The following ATP8A2 variants were observed in gnomAD, a reference collection of about 807,000 sequenced individuals.
The protein encoded by ATP8A2 is phospholipid-transporting ATPase IB.
A neutral mutation model predicts 165.6 loss-of-function variants in ATP8A2; 100 were observed. That is an observed-to-expected ratio of 0.60 (90% CI 0.51 to 0.71). The LOEUF (loss-of-function observed/expected upper bound fraction) is 0.71. Among genes scored for constraint, ATP8A2 ranks in the 30% least tolerant of loss-of-function variants. The pLI is 0.00. For missense variants in ATP8A2, 1,227 were observed against 1,479.5 expected (o/e 0.83, Z 2.80); for synonymous variants, 543 against 548.8 (o/e 0.99, Z 0.15).
chr13:25,595,803 G>A (rs757991374), intron 24 of ATP8A2, among the ~76,000 whole-genome samples: 3 of 152,144 alleles, frequency 2.0e-5, no homozygotes, highest in Non-Finnish European at 2.9e-5. Flanking sequence ...CACAGTGCAG[G>A]GCTGTCCTCA....
At chr13:25,417,294 T>C (rs917929611) in intron 1 of ATP8A2, among the ~76,000 whole-genome samples, 1 of 152,156 alleles carries the variant, frequency 6.6e-6, no homozygotes, top group Non-Finnish European at 1.5e-5. Flanking sequence ...CAAAGCTGGA[T>C]CCTAACTACC....
At chr13:25,792,562 C>CA (rs1282735581) in intron 27 of ATP8A2, among the ~76,000 whole-genome samples, 3 of 152,004 alleles carry the variant, frequency 2.0e-5, no homozygotes. Context: ...ATGAAATGAA[C>CA]AAAAAATGTA....
At chr13:25,837,313 C>A in intron 29 of ATP8A2, 28 bp downstream of exon 29, 1 of 1,612,188 alleles carries the variant, frequency 6.2e-7, no homozygotes, top group South Asian at 1.1e-5. Flanking sequence ...TCAGAACTGT[C>A]ACCTCAGAAA....
chr13:25,656,508 T>G (rs1191647464), intron 24 of ATP8A2, among the ~76,000 whole-genome samples: 1 of 151,922 alleles, frequency 6.6e-6, no homozygotes, highest in African/African-American at 2.4e-5. Flanking sequence ...ACTCCTGACC[T>G]CAGATCTGCC....
chr13:25,886,401 G>A (rs1953156766), intron 33 of ATP8A2, among the ~76,000 whole-genome samples: 1 of 152,198 alleles, frequency 6.6e-6, no homozygotes, highest in African/African-American at 2.4e-5. Flanking sequence ...TGTGAGTTTT[G>A]TGTTTTGTAA....
intron 25 of ATP8A2, among the ~76,000 whole-genome samples, chr13:25,725,946 G>T (rs2138058020): frequency 6.6e-6 from 1 of 152,236 alleles, no homozygotes; most frequent in East Asian, 1.9e-4. Flanking sequence ...CATTCACATG[G>T]CAACACCATT....
At chr13:25,950,742 G>C (rs550180132) in intron 33 of ATP8A2, 1 of 152,278 alleles carries the variant, frequency 6.6e-6, no homozygotes, top group South Asian at 2.1e-4. Context: ...TGAGAAGTGG[G>C]GAAAGAGAAG....
At chr13:25,621,325 A>G (rs2040962076) in intron 24 of ATP8A2, among the ~76,000 whole-genome samples, 1 of 152,204 alleles carries the variant, frequency 6.6e-6, no homozygotes, top group African/African-American at 2.4e-5. Flanking sequence ...GTGTTGGTGG[A>G]AACATTAGAG....
intron 20 of ATP8A2, 59 bp from the exon 21 acceptor site, chr13:25,578,756 A>G: frequency 6.2e-6 from 6 of 964,128 alleles, no homozygotes; most frequent in Non-Finnish European, 1.0e-5. Flanking sequence ...CATGCTTAGT[A>G]TGCTGGCTGG....
intron 33 of ATP8A2, among the ~76,000 whole-genome samples, chr13:25,872,192 A>G (rs910282483): frequency 2.6e-5 from 4 of 152,112 alleles, no homozygotes; most frequent in Non-Finnish European, 4.4e-5. Flanking sequence ...AGGAATGCAC[A>G]TGGTGCCCCA....
At chr13:25,870,905 G>A (rs771212392) in intron 33 of ATP8A2, among the ~76,000 whole-genome samples, 8 of 152,170 alleles carry the variant, frequency 5.3e-5, no homozygotes, top group Admixed American at 1.3e-4. Context: ...TTCTGTCCAC[G>A]AGCCCAATCT....
intron 33 of ATP8A2, among the ~76,000 whole-genome samples, chr13:25,947,048 A>C (rs1430276935): frequency 2.0e-5 from 3 of 152,084 alleles, no homozygotes; most frequent in African/African-American, 7.2e-5. Context: ...GCCCCCGGCC[A>C]TGTTATTGGT....
intron 1 of ATP8A2, among the ~76,000 whole-genome samples, chr13:25,435,676 G>C (rs781590351): frequency 6.6e-6 from 1 of 150,806 alleles, no homozygotes; most frequent in Non-Finnish European, 1.5e-5. Context: ...TGCCTTATTT[G>C]CACAGTTAAT....
chr13:25,952,102 C>T (rs1416345220), intron 33 of ATP8A2, among the ~76,000 whole-genome samples: 1 of 152,236 alleles, frequency 6.6e-6, no homozygotes, highest in South Asian at 2.1e-4. Context: ...CATTGTTTAA[C>T]AATTCCTTTG....
At chr13:25,752,501 C>G (rs554829976) in intron 25 of ATP8A2, among the ~76,000 whole-genome samples, 3 of 152,232 alleles carry the variant, frequency 2.0e-5, no homozygotes, top group Admixed American at 2.0e-4. Context: ...GATAAATAGA[C>G]AAGGTCATAG....
intron 1 of ATP8A2, among the ~76,000 whole-genome samples, chr13:25,412,974 C>T (rs374400115): frequency 1.3e-5 from 2 of 152,260 alleles, no homozygotes; most frequent in East Asian, 3.9e-4. Flanking sequence ...TGTGCCACCA[C>T]ACCTGGTTAA....
At chr13:25,854,627 T>C (rs1952104845) in intron 30 of ATP8A2, among the ~76,000 whole-genome samples, 1 of 152,180 alleles carries the variant, frequency 6.6e-6, no homozygotes, top group South Asian at 2.1e-4. Context: ...AATGCTGTCA[T>C]TTCCACCTTC....
intron 1 of ATP8A2, among the ~76,000 whole-genome samples, chr13:25,457,268 A>G (rs540753088): frequency 1.2e-3 from 180 of 152,268 alleles, no homozygotes; most frequent in African/African-American, 4.1e-3. Context: ...TAACAACCCC[A>G]CAAAACCTAA....
intron 9 of ATP8A2, among the ~76,000 whole-genome samples, chr13:25,542,384 AT>A (rs61662955): frequency 0.014 from 1,863 of 134,954 alleles, 17 homozygotes; most frequent in African/African-American, 0.034. Context: ...GTGTATGTGT[AT>A]TTTTTTTTTT....
Sources: gnomAD v4.1 joint callset for allele counts (sites outside exome capture counted in the v4.1 genomes callset) on GRCh38, gnomAD v4.1.1 for gene constraint, MANE v1.5 for transcripts, NCBI Gene and HGNC (gene_info 2026-07-23, HGNC 2026-07-21) for gene names.